The following PDSS2 variants were observed in gnomAD, a reference collection of about 807,000 sequenced individuals.
PDSS2 encodes all trans-polyprenyl-diphosphate synthase PDSS2.
A neutral mutation model predicts 44.5 loss-of-function variants in PDSS2; 31 were observed. That is an observed-to-expected ratio of 0.70 (90% confidence interval 0.52 to 0.94). The LOEUF (loss-of-function observed/expected upper bound fraction) is 0.94. Among genes scored for constraint, PDSS2 ranks in the 40% least tolerant of loss-of-function variants. The pLI is 0.00. For synonymous variants in PDSS2, 157 were observed against 180.3 expected, an observed-to-expected ratio of 0.87 and a Z score of 1.03; for missense variants, 452 against 482.2, an observed-to-expected ratio of 0.94 and a Z score of 0.59.
At chr6:107,204,057 C>T (rs1159440040) in intron 6 of PDSS2, among the ~76,000 whole-genome samples, 5 of 152,026 alleles carry the variant, frequency 3.3e-5, no homozygotes. Flanking sequence ...ATTCTCCTGC[C>T]TCAGCCTCCC....
At chr6:107,368,864 C>T (rs1374643381) in intron 1 of PDSS2, among the ~76,000 whole-genome samples, 1 of 152,130 alleles carries the variant, frequency 6.6e-6, no homozygotes, top group East Asian at 1.9e-4. Flanking sequence ...GAATAGGCAA[C>T]ACTACCTTGA....
chr6:107,453,038 T>C (rs1781926201), intron 1 of PDSS2, among the ~76,000 whole-genome samples: 1 of 152,236 alleles, frequency 6.6e-6, no homozygotes, highest in South Asian at 2.1e-4. Context: ...AAGAACTGCT[T>C]ACCTAGCCCT....
At chr6:107,242,629 A>G (rs536228014) in intron 4 of PDSS2, among the ~76,000 whole-genome samples, 6 of 152,240 alleles carry the variant, frequency 3.9e-5, no homozygotes, top group African/African-American at 1.4e-4. Context: ...TGTAACGTCA[A>G]ACTCCTGGGT....
chr6:107,427,202 G>A (rs1781032936), intron 1 of PDSS2, among the ~76,000 whole-genome samples: 1 of 152,084 alleles, frequency 6.6e-6, no homozygotes, highest in Non-Finnish European at 1.5e-5. Flanking sequence ...TGAGTCTCAC[G>A]AGATCTGATG....
chr6:107,161,209 G>A (rs1396443021), intron 7 of PDSS2, among the ~76,000 whole-genome samples: 2 of 151,644 alleles, frequency 1.3e-5, no homozygotes, highest in South Asian at 4.2e-4. Flanking sequence ...GGCCGGGCGC[G>A]GTGGCTCATG....
rs1770773378 is a variant in PDSS2 at position 107,153,356 on chromosome 6, T to C, written c.*1263A>G. The C allele has an allele frequency of 6.6e-6, 1 of 152,594 alleles. No individual in the cohort carries two copies. The allele number at this position is 152,594 out of a possible 1,614,324, so 9.5% of individuals were successfully genotyped here. Reference sequence around the variant, plus strand: ...TGAACCACACAGAGACAGTGTCCGATTGCAGGCCTGTGAGATTGCTTATAT... The same window carrying C: ...TGAACCACACAGAGACAGTGTCCGACTGCAGGCCTGTGAGATTGCTTATAT... On this transcript the variant is annotated 3_prime_UTR_variant, in exon 8 of 8. Coordinates refer to ENST00000369037, the MANE Select transcript of PDSS2 (RefSeq NM_020381.4).
chr6:107,286,728 T>TGA (rs1776162494), intron 2 of PDSS2, among the ~76,000 whole-genome samples: 1 of 151,854 alleles, frequency 6.6e-6, no homozygotes, highest in Admixed American at 6.6e-5. Flanking sequence ...GTATGTAAAA[T>TGA]GATGCTCAAC....
chr6:107,441,131 G>A (rs1300157035), intron 1 of PDSS2, among the ~76,000 whole-genome samples: 1 of 152,144 alleles, frequency 6.6e-6, no homozygotes, highest in Non-Finnish European at 1.5e-5. Context: ...TCCATAAAAT[G>A]TGTCACTCAA....
intron 2 of PDSS2, among the ~76,000 whole-genome samples, chr6:107,275,601 C>T (rs1287322789): frequency 1.3e-5 from 2 of 152,074 alleles, no homozygotes; most frequent in Non-Finnish European, 2.9e-5. Context: ...AGAACACTCA[C>T]GTCAATCCAC....
intron 2 of PDSS2, among the ~76,000 whole-genome samples, chr6:107,315,911 T>C (rs1326532555): frequency 1.3e-5 from 2 of 152,188 alleles, no homozygotes; most frequent in African/African-American, 4.8e-5. Flanking sequence ...TTACCTCAGA[T>C]TATCACAATA....
At chr6:107,417,772 T>A (rs1228912536) in intron 1 of PDSS2, among the ~76,000 whole-genome samples, 4 of 92,874 alleles carry the variant, frequency 4.3e-5, no homozygotes, top group African/African-American at 8.7e-5. Flanking sequence ...AAAAAATTAA[T>A]AATAATACAC....
chr6:107,274,257 T>C lies in PDSS2; in HGVS notation c.432-30A>G, dbSNP rs756481810. ...AACATAAAGGTAAGATTTGTTAGAA[T>C]ATCAAGAACACCATTTTATCACTAA... is the stretch of plus-strand genomic sequence containing the variant. On this transcript the variant is annotated intron_variant, in intron 2 of 7. Coordinates refer to ENST00000369037, the MANE Select transcript of PDSS2 (RefSeq NM_020381.4). 14 of 1,507,908 alleles carry C rather than the reference T, an allele frequency of 9.3e-6. No individual in the cohort carries two copies. The East Asian group carries it at 2.7e-4, about 29-fold the overall frequency. The allele number at this position is 1,507,908 out of a possible 1,614,324, so 93.4% of individuals were successfully genotyped here.
At chr6:107,279,200 C>T (rs1257654158) in intron 2 of PDSS2, among the ~76,000 whole-genome samples, 2 of 152,090 alleles carry the variant, frequency 1.3e-5, no homozygotes, top group African/African-American at 2.4e-5. Flanking sequence ...GCCTGGGCAA[C>T]AGAGTGAAAC....
intron 1 of PDSS2, among the ~76,000 whole-genome samples, chr6:107,364,913 A>T (rs1778916401): frequency 6.6e-6 from 1 of 152,272 alleles, no homozygotes; most frequent in Admixed American, 6.5e-5. Context: ...ACCAGAGAGC[A>T]GTGAAATCAA....
intron 6 of PDSS2, among the ~76,000 whole-genome samples, chr6:107,204,399 G>A (rs1772901313): frequency 6.6e-6 from 1 of 151,990 alleles, no homozygotes; most frequent in Non-Finnish European, 1.5e-5. Flanking sequence ...TTTGGATATT[G>A]TGAATATTGC....
chr6:107,308,765 C>T (rs566873947), intron 2 of PDSS2, among the ~76,000 whole-genome samples: 90 of 152,356 alleles, frequency 5.9e-4, no homozygotes, highest in African/African-American at 2.1e-3. Context: ...CCATAATGTG[C>T]TGGGGGGCTC....
At chr6:107,421,323 A>G (rs1296141136) in intron 1 of PDSS2, among the ~76,000 whole-genome samples, 1 of 152,150 alleles carries the variant, frequency 6.6e-6, no homozygotes, top group African/African-American at 2.4e-5. Context: ...ATACAACCCA[A>G]CAATCACACT....
At chr6:107,220,819 C>A (rs1252715494) in intron 4 of PDSS2, among the ~76,000 whole-genome samples, 1 of 152,164 alleles carries the variant, frequency 6.6e-6, no homozygotes, top group African/African-American at 2.4e-5. Context: ...ATTCCCTAAA[C>A]ATTATTACCT....
intron 2 of PDSS2, among the ~76,000 whole-genome samples, chr6:107,316,930 G>A (rs571667883): frequency 1.7e-3 from 258 of 152,226 alleles, no homozygotes; most frequent in Non-Finnish European, 3.0e-3. Context: ...GTAACCAGAC[G>A]TCACAAAAGG....
Sources: allele counts gnomAD v4.1 joint callset (sites outside exome capture counted in the v4.1 genomes callset), GRCh38; gene constraint gnomAD v4.1.1; transcripts MANE v1.5; gene names NCBI Gene and HGNC (gene_info 2026-07-23, HGNC 2026-07-21).